ARAP2: variants seen among roughly 807,000 people sequenced by gnomAD.
ARAP2 encodes ArfGAP with RhoGAP domain, ankyrin repeat and PH domain 2.
In ARAP2, 148 loss-of-function variants were observed where a neutral mutation model predicts 194.5. The ratio of observed to expected loss-of-function variants is 0.76; its 90% confidence interval spans 0.67 to 0.87. The LOEUF (loss-of-function observed/expected upper bound fraction) is 0.87. Ranked by LOEUF, ARAP2 falls within the 40% of genes least tolerant of loss-of-function variation. ARAP2 has a pLI of 0.00. For missense variants in ARAP2, 2,128 were observed against 1,989.7 expected (o/e 1.07, Z -1.32); for synonymous variants, 695 against 683.5 (o/e 1.02, Z -0.26).
intron 28 of ARAP2, among the ~76,000 whole-genome samples, chr4:36,087,108 A>G (rs543333881): frequency 6.6e-6 from 1 of 152,238 alleles, no homozygotes; most frequent in East Asian, 1.9e-4. Context: ...AACAAATGCT[A>G]AGTCTTTACT....
chr4:36,210,390 C>A lies in ARAP2; in HGVS notation c.1487G>T (p.Gly496Val). The change falls in exon 6 of 33, where the codon GGA becomes GTA. Residue 496 changes from glycine (G) to valine (V), a missense_variant and splice_region_variant. By Grantham distance (109) the Gly-to-Val change is moderately radical. Coordinates refer to ENST00000303965, the MANE Select transcript of ARAP2 (RefSeq NM_015230.4). ...ATGAAATAAATGCATACGTACATACCCTTGAGGAGAGAGTTTATCCAGCCA... is the reference window on the plus strand; with the variant it reads ...ATGAAATAAATGCATACGTACATACACTTGAGGAGAGAGTTTATCCAGCCA... ...SGWLDKLSPQGKRMFQKRWVK... is the reference protein window; with the variant it reads ...SGWLDKLSPQVKRMFQKRWVK... 1 of 1,604,882 alleles carries A rather than the reference C, an allele frequency of 6.2e-7. No homozygotes were observed. The highest frequency in any genetic ancestry group is 2.2e-5 in the East Asian group (1 of 44,792).
At position 36,125,661 on chromosome 4, in the gene ARAP2, C is replaced by T. The variant is rs544457772; in HGVS notation, c.3641-694G>A. On this transcript the variant is annotated intron_variant, in intron 21 of 32. Coordinates refer to ENST00000303965, the MANE Select transcript of ARAP2 (RefSeq NM_015230.4). ...AAGGATGAGAAGGACTTACCCTCCA[C>T]TCACCTGACTCCAAGAAGGCAAATA... Among the ~76,000 whole-genome samples the T allele has an allele frequency of 2.6e-5, 4 of 152,072 alleles. No individual in the cohort carries two copies. In the East Asian group the frequency reaches 7.8e-4, roughly 30 times the overall value.
intron 6 of ARAP2, among the ~76,000 whole-genome samples, chr4:36,196,798 C>A (rs1359801155): frequency 6.6e-6 from 1 of 151,942 alleles, no homozygotes; most frequent in Non-Finnish European, 1.5e-5. Flanking sequence ...GTGGACACCA[C>A]TCTCTGGCCG....
At chr4:36,147,462 A>C in intron 18 of ARAP2, 86 bp downstream of exon 18, 1 of 1,565,308 alleles carries the variant, frequency 6.4e-7, no homozygotes, top group Non-Finnish European at 8.8e-7. Flanking sequence ...TTTGGGAGTA[A>C]GCCATCAAGA....
At chr4:36,206,571 C>T (rs565273635) in intron 6 of ARAP2, among the ~76,000 whole-genome samples, 2 of 152,346 alleles carry the variant, frequency 1.3e-5, no homozygotes, top group Non-Finnish European at 2.9e-5. Flanking sequence ...GCTACCCTCT[C>T]CTTCCAGGAA....
intron 28 of ARAP2, among the ~76,000 whole-genome samples, chr4:36,089,071 G>A (rs545355479): frequency 1.8e-4 from 27 of 152,130 alleles, no homozygotes; most frequent in African/African-American, 6.0e-4. Context: ...TCCAAAACAG[G>A]AGAAAGAACA....
intron 1 of ARAP2, chr4:36,243,722 T>C (rs1360588834): frequency 6.6e-6 from 1 of 152,190 alleles, no homozygotes. Flanking sequence ...GGTATCGGGT[T>C]CAGGCAGGTG....
chr4:36,021,633 C>G (rs28488485), intron 5 of ARAP2, among the ~76,000 whole-genome samples: 2 of 152,184 alleles, frequency 1.3e-5, no homozygotes, highest in African/African-American at 4.8e-5. Flanking sequence ...CCTGTATAGG[C>G]TGCAGAACCA....
At chr4:36,007,032 A>C (rs1237088029) in exon 10 of ARAP2, 1 of 152,066 alleles carries the variant, frequency 6.6e-6, no homozygotes, top group African/African-American at 2.4e-5. Flanking sequence ...TGGGTGACAG[A>C]AGGAGTCCTT....
chr4:36,087,635 C>T (rs982793483), intron 28 of ARAP2, among the ~76,000 whole-genome samples: 1 of 152,116 alleles, frequency 6.6e-6, no homozygotes, highest in Admixed American at 6.6e-5. Flanking sequence ...AAAGTCACTG[C>T]ATGAACAGCC....
At chr4:36,193,905 G>A (rs1211084352) in intron 6 of ARAP2, among the ~76,000 whole-genome samples, 1 of 152,116 alleles carries the variant, frequency 6.6e-6, no homozygotes, top group East Asian at 1.9e-4. Flanking sequence ...GTAAGGTTCG[G>A]TGCACAACAA....
At chr4:36,215,786 C>A (rs1747805937) in intron 2 of ARAP2, among the ~76,000 whole-genome samples, 1 of 151,836 alleles carries the variant, frequency 6.6e-6, no homozygotes, top group African/African-American at 2.4e-5. Flanking sequence ...GAGGCGGAGC[C>A]CTGCAGTGAC....
chr4:36,015,829 G>T (rs770785837), intron 7 of ARAP2: 1 of 152,150 alleles, frequency 6.6e-6, no homozygotes, highest in Non-Finnish European at 1.5e-5. Context: ...AAGAATATGT[G>T]AAAATATTTA....
At chr4:36,157,329 ATCACTTATCTTTTAACTACT>A (rs1347124445) in intron 15 of ARAP2, 2 of 152,112 alleles carry the variant, frequency 1.3e-5, no homozygotes, top group Admixed American at 6.5e-5. Context: ...TCATCTTCTG[ATCACTTATCTTTTAACTACT>A]TAGGGATAAT....
At chr4:36,185,989 A>AC (rs1478612259) in intron 8 of ARAP2, among the ~76,000 whole-genome samples, 1 of 152,060 alleles carries the variant, frequency 6.6e-6, no homozygotes, top group Non-Finnish European at 1.5e-5. Flanking sequence ...AAAAAAAAAA[A>AC]AGGATAATAA....
In ARAP2 at chr4:36,073,769, T is replaced by C; in HGVS notation, c.4663A>G (p.Lys1555Glu). 6.2e-7 allele frequency: 1 copy of C among 1,613,340 alleles called. No homozygotes were observed. The highest frequency in any genetic ancestry group is 8.5e-7 in the Non-Finnish European group (1 of 1,179,450). Residue 1555 changes from lysine (K) to glutamate (E), a missense_variant, in exon 32 of 33, where the codon AAA (lysine) becomes GAA (glutamate). Physicochemically the swap from Lys to Glu is moderately conservative, Grantham distance 56. Coordinates refer to ENST00000303965, the MANE Select transcript of ARAP2 (RefSeq NM_015230.4). Reference protein sequence around the residue: ...AGKERKRSITKNPKIGGLPLI... With the variant: ...AGKERKRSITENPKIGGLPLI... Reference sequence around the variant, plus strand: ...GGCAAACCTCCAATTTTGGGATTTTTGGTTATTGAACGTTTTCGTTCCTTT... The same window carrying C: ...GGCAAACCTCCAATTTTGGGATTTTCGGTTATTGAACGTTTTCGTTCCTTT...
chr4:36,109,305 A>AT lies in ARAP2; in HGVS notation c.4157-1613dup, dbSNP rs371447297. On this transcript the variant is annotated intron_variant, in intron 26 of 32. Transcript: ENST00000303965. ...GCAAGAATAAAGAAGGAAAGAAAAA[A>AT]TCCACTAGGCCACACATCCTGAAGA... Among the ~76,000 whole-genome samples, 859 of 152,058 alleles carry AT rather than the reference A, an allele frequency of 5.6e-3. 10 individuals carry two copies. The highest frequency in any genetic ancestry group is 0.02 in the African/African-American group (812 of 41,546).
chr4:36,170,428 C>T (rs567233819), intron 9 of ARAP2, among the ~76,000 whole-genome samples: 11 of 152,224 alleles, frequency 7.2e-5, no homozygotes, highest in East Asian at 3.9e-4. Flanking sequence ...TCTCTACAAA[C>T]GAAAACCAAA....
intron 1 of ARAP2, among the ~76,000 whole-genome samples, chr4:36,243,253 TA>T (rs2109394706): frequency 6.6e-6 from 1 of 152,194 alleles, no homozygotes; most frequent in African/African-American, 2.4e-5. Context: ...AGTACAATAC[TA>T]TTATGAGTAA....
Sources: allele counts gnomAD v4.1 joint callset (sites outside exome capture counted in the v4.1 genomes callset), GRCh38; gene constraint gnomAD v4.1.1; transcripts MANE v1.5; gene names NCBI Gene and HGNC (gene_info 2026-07-23, HGNC 2026-07-21).